HLF: variants seen among roughly 807,000 people sequenced by gnomAD.
HLF encodes the protein HLF transcription factor, PAR bZIP family member.
A neutral mutation model predicts 22.6 loss-of-function variants in HLF; 3 were observed. That is an observed-to-expected ratio of 0.13 (90% CI 0.06 to 0.34). The LOEUF (loss-of-function observed/expected upper bound fraction) is 0.34. HLF is among the 10% of genes least tolerant of loss of function. The pLI, the probability that HLF is intolerant of heterozygous loss-of-function variation, is 1.00. For missense variants in HLF, 299 were observed against 389.2 expected (o/e 0.77, Z 1.95); for synonymous variants, 151 against 151.8 (o/e 0.99, Z 0.04).
At chr17:55,266,930 G>A in intron 1 of HLF, 4 of 382,508 alleles carry the variant, frequency 1.0e-5, no homozygotes, top group Non-Finnish European at 1.4e-5. Flanking sequence ...GCTTTTGAAA[G>A]GTTTTGTAAA....
intron 2 of HLF, among the ~76,000 whole-genome samples, chr17:55,302,768 TC>T (rs1416465781): frequency 1.3e-5 from 2 of 152,170 alleles, no homozygotes; most frequent in African/African-American, 4.8e-5. Flanking sequence ...TTAAAAAGAC[TC>T]CAGGGACCTA....
intron 2 of HLF, among the ~76,000 whole-genome samples, chr17:55,313,616 T>C (rs1370528219): frequency 3.3e-5 from 5 of 152,076 alleles, no homozygotes; most frequent in Non-Finnish European, 1.5e-5. Flanking sequence ...TCAAAGAGTT[T>C]CTAAAGGGAA....
At chr17:55,267,322 ACCT>A (rs2080801386) in intron 1 of HLF, among the ~76,000 whole-genome samples, 1 of 152,082 alleles carries the variant, frequency 6.6e-6, no homozygotes, top group South Asian at 2.1e-4. Flanking sequence ...AGTCTGAATG[ACCT>A]CCTATTGCTG....
At chr17:55,306,537 A>AGTGTGTGTGTGT (rs60472672) in intron 2 of HLF, among the ~76,000 whole-genome samples, 5,773 of 143,582 alleles carry the variant, frequency 0.04, 148 homozygotes, top group East Asian at 0.076. Context: ...GCAAAAAGGA[A>AGTGTGTGTGTGT]GTGTGTGTGT....
intron 2 of HLF, among the ~76,000 whole-genome samples, chr17:55,288,417 G>A (rs2081026259): frequency 1.3e-5 from 2 of 152,080 alleles, no homozygotes; most frequent in South Asian, 4.1e-4. Flanking sequence ...CAAAGTGCTG[G>A]GATTGCAGGT....
At chr17:55,271,921 A>G (rs1490681714) in intron 2 of HLF, 1 of 152,220 alleles carries the variant, frequency 6.6e-6, no homozygotes, top group Non-Finnish European at 1.5e-5. Context: ...TAACTGTCTG[A>G]TCAAAGAATG....
intron 2 of HLF, among the ~76,000 whole-genome samples, chr17:55,295,868 C>T (rs1271852792): frequency 6.6e-6 from 1 of 152,046 alleles, no homozygotes; most frequent in Non-Finnish European, 1.5e-5. Context: ...AGGGGGAGGC[C>T]AGAGCAAGCA....
At chr17:55,270,834 G>A (rs879734011) in intron 2 of HLF, among the ~76,000 whole-genome samples, 75 of 151,952 alleles carry the variant, frequency 4.9e-4, no homozygotes, top group Non-Finnish European at 1.0e-3. Context: ...AGTAGAGACG[G>A]GGTTTCACCG....
chr17:55,269,630 T>C (rs1398983456), intron 2 of HLF, among the ~76,000 whole-genome samples: 1 of 152,230 alleles, frequency 6.6e-6, no homozygotes, highest in Non-Finnish European at 1.5e-5. Context: ...ATACAATTTC[T>C]ATTTGATTGA....
At chr17:55,317,840 C>T (rs905247815) in intron 3 of HLF, among the ~76,000 whole-genome samples, 8 of 152,188 alleles carry the variant, frequency 5.3e-5, no homozygotes, top group African/African-American at 1.9e-4. Context: ...CATGCATGCG[C>T]TGGAGAAAGA....
rs973580715 is a variant in HLF at position 55,265,267 on chromosome 17, G to A, written c.-218G>A. 3 of 451,834 alleles carry A rather than the reference G, an allele frequency of 6.6e-6. No homozygotes were observed. Among genetic ancestry groups the A allele is most frequent in the Non-Finnish European group, 1.2e-5 (3 of 260,344 alleles). 28.0% of individuals were successfully genotyped at this position (451,834 alleles called of 1,614,324 possible). On this transcript the variant is annotated 5_prime_UTR_variant, in exon 1 of 4. Transcript: ENST00000226067. The stretch of plus-strand genomic sequence containing the variant: ...GCGGGCACTTGGCGCGCTCTCCTGG[G>A]ACCGTCTGCACTGGAAACCCGAAAG...
At chr17:55,307,197 A>C (rs1904618881) in intron 2 of HLF, among the ~76,000 whole-genome samples, 1 of 117,840 alleles carries the variant, frequency 8.5e-6, no homozygotes, top group Non-Finnish European at 1.6e-5. Context: ...TCTGTCACCC[A>C]GGCTGGAGTG....
chr17:55,291,478 A>G (rs899712283), intron 2 of HLF, among the ~76,000 whole-genome samples: 13 of 152,228 alleles, frequency 8.5e-5, no homozygotes, highest in Admixed American at 5.9e-4. Context: ...TGTTTACAGC[A>G]TGGTTTGCTG....
At chr17:55,290,427 T>A (rs10445344) in intron 2 of HLF, among the ~76,000 whole-genome samples, 35,984 of 152,136 alleles carry the variant, frequency 0.24, 4,526 homozygotes, top group East Asian at 0.35. Context: ...TAGCAATATT[T>A]CAAGTTTTTC....
chr17:55,288,278 G>C (rs1413691193), intron 2 of HLF, among the ~76,000 whole-genome samples: 1 of 152,046 alleles, frequency 6.6e-6, no homozygotes, highest in East Asian at 2.0e-4. Flanking sequence ...CTCCCGAGTA[G>C]CTGGGATTAC....
Position 55,265,573 on chromosome 17 carries a change from T to C in HLF, c.89T>C (p.Leu30Pro). ...GVLRSLLENP[L>P]KLPLHHEDAF... ...CTCAGGTCCCTGCTGGAGAACCCGCTGAAGCTCCCCCTTCACCACGAAGAC... is the reference window on the plus strand; with the variant it reads ...CTCAGGTCCCTGCTGGAGAACCCGCCGAAGCTCCCCCTTCACCACGAAGAC... The change falls in exon 1 of 4, where the codon CTG becomes CCG. Residue 30 changes from leucine (L) to proline (P), a missense_variant. Around this residue, in one of 3 missense-constraint regions of HLF, gnomAD observed 72 missense variants for 74.0 expected, o/e 0.97. Coordinates refer to ENST00000226067, the MANE Select transcript of HLF (RefSeq NM_002126.5). 1.4e-5 allele frequency: 23 copies of C among 1,604,166 alleles called. No homozygotes were observed. The highest frequency in any genetic ancestry group is 2.0e-5 in the Non-Finnish European group (23 of 1,175,514).
chr17:55,271,985 A>C lies in HLF; in HGVS notation c.451+3899A>C, dbSNP rs368208206. On this transcript the variant is annotated intron_variant, in intron 2 of 3. Transcript: ENST00000226067. ...CTTTCAAGAAACAATCCAGGGATTC[A>C]TTAAAACCTGTTGTGGCTATTGTGG... 4.6e-5 allele frequency: 7 copies of C among 152,368 alleles called. No homozygotes were observed. In the East Asian group the frequency reaches 9.6e-4, roughly 21 times the overall value. The allele number at this position is 152,368 out of a possible 1,614,324, so 9.4% of individuals were successfully genotyped here.
chr17:55,304,375 C>T (rs1403090594), intron 2 of HLF, among the ~76,000 whole-genome samples: 2 of 152,198 alleles, frequency 1.3e-5, no homozygotes, highest in Admixed American at 6.5e-5. Flanking sequence ...GGCTCATGGG[C>T]CACGTGCCTC....
chr17:55,275,287 G>A (rs546329437), intron 2 of HLF, among the ~76,000 whole-genome samples: 1 of 152,208 alleles, frequency 6.6e-6, no homozygotes, highest in Admixed American at 6.5e-5. Context: ...ATAGATACAG[G>A]GTTTTGTTAT....
Sources: gnomAD v4.1 joint callset for allele counts (sites outside exome capture counted in the v4.1 genomes callset) on GRCh38, gnomAD v4.1.1 for gene constraint, gnomAD v4.1.1 regional missense constraint, MANE v1.5 for transcripts, NCBI Gene and HGNC (gene_info 2026-07-23, HGNC 2026-07-21) for gene names.